Variants in KCNN4 observed in about 807,000 individuals in gnomAD.
The protein encoded by KCNN4 is intermediate conductance calcium-activated potassium channel protein 4.
A neutral mutation model predicts 45.2 loss-of-function variants in KCNN4; 31 were observed. The observed-to-expected ratio is 0.69, with a 90% CI of 0.52 to 0.92. The LOEUF is 0.92. Among genes scored for constraint, KCNN4 ranks in the 40% least tolerant of loss-of-function variants. The probability of loss-of-function intolerance (pLI) is 0.00; values close to 1 mark genes in which losing one functional copy is unlikely to be tolerated. For missense variants in KCNN4, 463 were observed against 574.0 expected, an observed-to-expected ratio of 0.81 and a Z score of 1.98; for synonymous variants, 231 against 254.6, an observed-to-expected ratio of 0.91 and a Z score of 0.88.
chr19:43,775,909 T>G (rs1969787894), intron 2 of KCNN4, among the ~76,000 whole-genome samples: 1 of 151,810 alleles, frequency 6.6e-6, no homozygotes, highest in Admixed American at 6.6e-5. Context: ...GGCAGACTGC[T>G]TGAGCTCAGT....
At chr19:43,773,966 C>T (rs1330281729) in intron 3 of KCNN4, among the ~76,000 whole-genome samples, 2 of 152,154 alleles carry the variant, frequency 1.3e-5, no homozygotes, top group African/African-American at 4.8e-5. Context: ...TTTGGGGAGA[C>T]TGAAGGCTGC....
rs529556816 is a variant in KCNN4 at position 43,774,654 on chromosome 19, A to AGCAGGTCAGGC, written c.256-46_256-36dup. ...GGGGGCCAAGAAGGGAGGGGTCAGG[A>AGCAGGTCAGGC]GCAGGTCAGGCGCAGGTCAGGCGGC... On this transcript the variant is annotated intron_variant, in intron 2 of 8. Coordinates refer to ENST00000648319, the MANE Select transcript of KCNN4 (RefSeq NM_002250.3). This position sits in a 1 kb window ranked among gnomAD's most constrained non-coding sequence, Gnocchi z 5.6. The AGCAGGTCAGGC allele has an allele frequency of 3.2e-4, 470 of 1,470,888 alleles. 3 individuals carry two copies. The African/African-American group carries it at 5.6e-3, about 18-fold the overall frequency. The allele number at this position is 1,470,888 out of a possible 1,614,324, so 91.1% of individuals were successfully genotyped here.
Position 43,769,617 on chromosome 19 carries a change from AGGGCTAGGGCT to A in KCNN4, c.931-68_931-58del. 6.3e-7 allele frequency: 1 copy of A among 1,580,252 alleles called. No individual in the cohort carries two copies. The highest frequency in any genetic ancestry group is 8.7e-7 in the Non-Finnish European group (1 of 1,149,454). On this transcript the variant is annotated intron_variant, in intron 5 of 8. Coordinates refer to ENST00000648319, the MANE Select transcript of KCNN4 (RefSeq NM_002250.3). This position sits in a 1 kb window ranked among gnomAD's most constrained non-coding sequence, Gnocchi z 4.4. ...TAGACCCTTACGGTTCTGGGAAGGCAGGGCTAGGGCTGGGACTCTTGGGTCCTAGGGGAAGC... is the reference window on the plus strand; with the variant it reads ...TAGACCCTTACGGTTCTGGGAAGGCAGGGACTCTTGGGTCCTAGGGGAAGC...
At chr19:43,767,748 C>A in intron 7 of KCNN4, 41 bp from the exon 8 acceptor site, 1 of 1,610,890 alleles carries the variant, frequency 6.2e-7, no homozygotes, top group South Asian at 1.1e-5. Flanking sequence ...GGGCTGGGGT[C>A]GACCCCCACC....
chr19:43,769,867 C>G lies in KCNN4; in HGVS notation c.820-38G>C. The G allele has an allele frequency of 6.8e-7, 1 of 1,462,366 alleles. No individual in the cohort carries two copies. Among genetic ancestry groups the G allele is most frequent in the Non-Finnish European group, 9.5e-7 (1 of 1,057,176 alleles). 90.6% of individuals were successfully genotyped at this position (1,462,366 alleles called of 1,614,324 possible). A position where few individuals can be genotyped will look rare whatever the true frequency, so the allele number is the denominator to read the frequency against. ...CAGGCACCGTGGCATGAGGCTGTGC[C>G]ACCGACTCCCTCCTTGAACCCGCCC... On this transcript the variant is annotated intron_variant, in intron 4 of 8. Transcript: ENST00000648319. This position sits in a 1 kb window ranked among gnomAD's most constrained non-coding sequence, Gnocchi z 4.4.
At position 43,769,564 on chromosome 19, in the gene KCNN4, G is replaced by A. The variant is rs1969582811; in HGVS notation, c.931-4C>T. 1.9e-6 allele frequency: 3 copies of A among 1,612,534 alleles called. No homozygotes were observed. In the East Asian group the frequency reaches 6.7e-5, roughly 36 times the overall value. The stretch of plus-strand genomic sequence containing the variant: ...CTCGGGCAGCGGACTCCTTCATCTG[G>A]GGGTGGGTGGCACAGTGTCCGTGGA... On this transcript the variant is annotated splice_polypyrimidine_tract_variant and splice_region_variant and intron_variant, in intron 5 of 8. Coordinates refer to ENST00000648319, the MANE Select transcript of KCNN4 (RefSeq NM_002250.3). The surrounding 1 kb of genome is among the most constrained non-coding windows in gnomAD (Gnocchi z 4.4).
chr19:43,779,286 G>T (rs545449407), intron 1 of KCNN4, among the ~76,000 whole-genome samples: 111 of 152,284 alleles, frequency 7.3e-4, no homozygotes, highest in Middle Eastern at 3.4e-3. Context: ...GCTTCTGGGT[G>T]CGGTGCTTCG....
At chr19:43,768,080 T>C (rs1467551509) in intron 7 of KCNN4, among the ~76,000 whole-genome samples, 1 of 152,218 alleles carries the variant, frequency 6.6e-6, no homozygotes, top group African/African-American at 2.4e-5. Flanking sequence ...ATCCACATAG[T>C]CTTTTACTGC....
chr19:43,767,444 C>T, intron 8 of KCNN4, 96 bp downstream of exon 8: 1 of 1,445,426 alleles, frequency 6.9e-7, no homozygotes, highest in South Asian at 1.3e-5. Context: ...GCGGCCTTGT[C>T]TCCCAGCCAT....
At chr19:43,768,342 G>C (rs1413842379) in intron 7 of KCNN4, among the ~76,000 whole-genome samples, 1 of 152,248 alleles carries the variant, frequency 6.6e-6, no homozygotes, top group Non-Finnish European at 1.5e-5. Context: ...AAAAAGCAAA[G>C]GCCACCAGAT....
At chr19:43,776,365 C>T (rs1305007550) in intron 2 of KCNN4, among the ~76,000 whole-genome samples, 176 bp downstream of exon 2, 1 of 152,058 alleles carries the variant, frequency 6.6e-6, no homozygotes, top group East Asian at 1.9e-4. Context: ...GTGGGGGAGG[C>T]TCTGCCTGTC....
intron 4 of KCNN4, among the ~76,000 whole-genome samples, 154 bp downstream of exon 4, chr19:43,771,846 G>C (rs1009948489): frequency 1.3e-5 from 2 of 152,134 alleles, no homozygotes; most frequent in African/African-American, 4.8e-5. Flanking sequence ...TCTTGTTCTT[G>C]AAGAGAGAAT....
At chr19:43,776,057 G>A (rs1029926491) in intron 2 of KCNN4, among the ~76,000 whole-genome samples, 13 of 149,306 alleles carry the variant, frequency 8.7e-5, no homozygotes, top group African/African-American at 3.0e-4. Context: ...GAACCCAGGA[G>A]GTGGAGGTTG....
Position 43,774,691 on chromosome 19 carries a change from G to T in KCNN4, c.256-72C>A. 7.5e-7 allele frequency: 1 copy of T among 1,336,172 alleles called. No individual in the cohort carries two copies. Among genetic ancestry groups the T allele is most frequent in the East Asian group, 2.7e-5 (1 of 37,050 alleles). 82.8% of individuals were successfully genotyped at this position (1,336,172 alleles called of 1,614,324 possible). On this transcript the variant is annotated intron_variant, in intron 2 of 8. Coordinates refer to ENST00000648319, the MANE Select transcript of KCNN4 (RefSeq NM_002250.3). This position sits in a 1 kb window ranked among gnomAD's most constrained non-coding sequence, Gnocchi z 5.6. The stretch of plus-strand genomic sequence containing the variant: ...GCAGGTCAGGCGGCGGCCCGCGCCT[G>T]CCTGCGCCCTGAGATAAGTGGGGTG...
chr19:43,767,690 A>T lies in KCNN4; in HGVS notation c.1137T>A (p.Tyr379Ter). The T allele has an allele frequency of 6.2e-7, 1 of 1,614,106 alleles. No individual in the cohort carries two copies. The highest frequency in any genetic ancestry group is 8.5e-7 in the Non-Finnish European group (1 of 1,180,000). The change falls in exon 8 of 9, where the codon TAT (tyrosine) becomes TAA (stop). Residue 379 changes from tyrosine (Y) to a stop codon, truncating the protein, a stop_gained. Coordinates refer to ENST00000648319, the MANE Select transcript of KCNN4 (RefSeq NM_002250.3). LOFTEE classifies it high-confidence loss of function. ...VDISKMHMIL[Y>*]DLQQNLSSSH... ...AGCTGCTCAGATTCTGCTGCAGGTC[A>T]TACAGGATCATGTGCATCTGGGTGG...
Position 43,771,970 on chromosome 19 carries a change from G to A in KCNN4, c.819+30C>T, listed in dbSNP as rs201825258. On this transcript the variant is annotated intron_variant, in intron 4 of 8. Coordinates refer to ENST00000648319, the MANE Select transcript of KCNN4 (RefSeq NM_002250.3). ...CCAGAGGATGACCAGTTTGGGATAG[G>A]GATCATGTCCCCAAGGCAGCTGTAC... The A allele has an allele frequency of 1.3e-5, 20 of 1,568,568 alleles. No homozygotes were observed. The South Asian group carries it at 2.1e-4, about 17-fold the overall frequency.
At chr19:43,779,372 C>T (rs958514732) in intron 1 of KCNN4, among the ~76,000 whole-genome samples, 18 of 152,142 alleles carry the variant, frequency 1.2e-4, no homozygotes, top group African/African-American at 4.3e-4. Context: ...CCTCAGTGCC[C>T]GCCGCCTGCC....
intron 1 of KCNN4, among the ~76,000 whole-genome samples, chr19:43,777,099 G>GCAAA (rs1363518983): frequency 2.0e-5 from 3 of 151,868 alleles, no homozygotes; most frequent in Non-Finnish European, 2.9e-5. Flanking sequence ...AAGCAAGCAA[G>GCAAA]CAAACAAACA....
chr19:43,774,305 G>T lies in KCNN4; in HGVS notation c.570C>A (p.Phe190Leu). The T allele has an allele frequency of 6.2e-7, 1 of 1,612,336 alleles. No homozygotes were observed. The highest frequency in any genetic ancestry group is 8.5e-7 in the Non-Finnish European group (1 of 1,179,244). Reference sequence around the variant, plus strand: ...AAAGCTTGGCCACGAACCAGTGGCGGAAGCGGACTTGATTGAGAGCGCCGA... The same window carrying T: ...AAAGCTTGGCCACGAACCAGTGGCGTAAGCGGACTTGATTGAGAGCGCCGA... ...RSIGALNQVR[F>L]RHWFVAKLYM... is the part of the protein sequence containing the mutation. The change falls in exon 3 of 9, where the codon TTC becomes TTA. Residue 190 changes from phenylalanine to leucine, a missense_variant. Physicochemically the swap from Phe to Leu is conservative, Grantham distance 22. Coordinates refer to ENST00000648319, the MANE Select transcript of KCNN4 (RefSeq NM_002250.3). This position sits in a 1 kb window ranked among gnomAD's most constrained non-coding sequence, Gnocchi z 5.6.
Sources: gnomAD v4.1 joint callset for allele counts (sites outside exome capture counted in the v4.1 genomes callset) on GRCh38, gnomAD v4.1.1 for gene constraint, Gnocchi (gnomAD v3.1) non-coding constraint, MANE v1.5 for transcripts, NCBI Gene and HGNC (gene_info 2026-07-23, HGNC 2026-07-21) for gene names.